Variants in EML1 observed in about 807,000 individuals in gnomAD.
EML1 encodes EMAP like 1.
A neutral mutation model predicts 110.4 loss-of-function variants in EML1; 27 were observed. The ratio of observed to expected loss-of-function variants is 0.24; its 90% CI spans 0.18 to 0.34. EML1 has a LOEUF of 0.34. Among genes scored for constraint, EML1 ranks in the 10% least tolerant of loss-of-function variants. EML1 has a pLI of 1.00. For synonymous variants in EML1, 344 were observed against 385.8 expected, an observed-to-expected ratio of 0.89 and a Z score of 1.27; for missense variants, 741 against 1,030.9, an observed-to-expected ratio of 0.72 and a Z score of 3.85.
At chr14:99,752,580 C>T (rs1249130454) in intron 1 of EML1, among the ~76,000 whole-genome samples, 1 of 152,212 alleles carries the variant, frequency 6.6e-6, no homozygotes, top group African/African-American at 2.4e-5. Flanking sequence ...CAGCTGCCTG[C>T]TGAGGTGCCC....
upstream of EML1, among the ~76,000 whole-genome samples, chr14:99,790,043 CTTTT>C (rs945448761): frequency 4.6e-5 from 7 of 151,890 alleles, no homozygotes; most frequent in East Asian, 1.4e-3. Context: ...CTAAATTTAG[CTTTT>C]TTTTAGAGTA....
intron 9 of EML1, among the ~76,000 whole-genome samples, chr14:99,903,801 T>C (rs1297810365): frequency 2.0e-5 from 3 of 147,768 alleles, no homozygotes; most frequent in Admixed American, 6.8e-5. Flanking sequence ...TTTTTTTTTT[T>C]GAGACAGAGT....
intron 3 of EML1, among the ~76,000 whole-genome samples, chr14:99,876,236 A>G (rs1237384570): frequency 1.3e-5 from 2 of 152,078 alleles, no homozygotes; most frequent in South Asian, 2.1e-4. Context: ...GAGGCTTGTC[A>G]TTTACTTATG....
At chr14:99,792,754 CAG>C (rs1200135947), upstream of EML1, 1 of 152,310 alleles carries the variant, frequency 6.6e-6, no homozygotes, top group East Asian at 1.9e-4. Context: ...CTCTCTGGCC[CAG>C]TGTGAGCGAA....
At chr14:99,819,004 A>T (rs116562774) in intron 1 of EML1, among the ~76,000 whole-genome samples, 457 of 152,178 alleles carry the variant, frequency 3.0e-3, no homozygotes, top group African/African-American at 0.011. Context: ...CCCACGCTTC[A>T]GTATAGTGGT....
At chr14:99,911,687 C>A in intron 13 of EML1, 111 bp downstream of exon 13, 1 of 1,198,996 alleles carries the variant, frequency 8.3e-7, no homozygotes, top group Non-Finnish European at 1.2e-6. Flanking sequence ...TAGGTGAAAT[C>A]ACATTATATG....
At chr14:99,916,565 C>A (rs902870401) in intron 15 of EML1, among the ~76,000 whole-genome samples, 2 of 152,188 alleles carry the variant, frequency 1.3e-5, no homozygotes, top group African/African-American at 2.4e-5. Context: ...CATGTTCAAT[C>A]ATGTCACTCT....
chr14:99,755,649 G>A (rs1235858243), intron 1 of EML1, among the ~76,000 whole-genome samples: 1 of 152,166 alleles, frequency 6.6e-6, no homozygotes, highest in African/African-American at 2.4e-5. Flanking sequence ...CCATTCCGTG[G>A]TCACTTGCCC....
At position 99,762,769 on chromosome 14, in the gene EML1, C is replaced by T. The variant is rs762136436; in HGVS notation, c.28+24909C>T. On this transcript the variant is annotated intron_variant, in intron 1 of 10. Transcript: ENST00000554479. The stretch of plus-strand genomic sequence containing the variant: ...AGCCATATTTCCAGTCACTGCACTT[C>T]GCCCTAGGTGACAGAGTGAAACACT... Among the ~76,000 whole-genome samples the T allele has an allele frequency of 2.7e-4, 41 of 152,112 alleles. 1 individual carries two copies. Among genetic ancestry groups the T allele is most frequent in the South Asian group, 2.1e-4 (1 of 4,822 alleles).
chr14:99,744,324 T>C (rs905960134), intron 1 of EML1, among the ~76,000 whole-genome samples: 4 of 152,066 alleles, frequency 2.6e-5, no homozygotes, highest in African/African-American at 9.7e-5. Flanking sequence ...TAAAGACCAA[T>C]GTTTTCCCAG....
chr14:99,867,704 C>T (rs2059126122), intron 3 of EML1, among the ~76,000 whole-genome samples: 1 of 152,000 alleles, frequency 6.6e-6, no homozygotes, highest in Admixed American at 6.6e-5. Flanking sequence ...ATGTATTAGT[C>T]CTCACAGTTT....
chr14:99,841,874 T>C (rs2058639905), intron 1 of EML1, among the ~76,000 whole-genome samples: 1 of 152,194 alleles, frequency 6.6e-6, no homozygotes, highest in Admixed American at 6.5e-5. Context: ...CACACTGCCA[T>C]GTGTAAACAG....
chr14:99,830,383 A>C (rs2058429083), intron 1 of EML1, among the ~76,000 whole-genome samples: 1 of 144,294 alleles, frequency 6.9e-6, no homozygotes, highest in Admixed American at 6.8e-5. Flanking sequence ...AATTTAAAAG[A>C]AAAAAGGGTG....
chr14:99,900,147 AATTG>A (rs1474425880), intron 8 of EML1, among the ~76,000 whole-genome samples: 1 of 151,392 alleles, frequency 6.6e-6, no homozygotes, highest in Non-Finnish European at 1.5e-5. Context: ...ATTTGTACAT[AATTG>A]ATGCCTGTTT....
At chr14:99,937,090 C>T (rs1383842814) in intron 19 of EML1, among the ~76,000 whole-genome samples, 1 of 152,192 alleles carries the variant, frequency 6.6e-6, no homozygotes, top group Non-Finnish European at 1.5e-5. Context: ...AACACAGGCC[C>T]CAAGAGCCCA....
At chr14:99,899,899 A>G (rs899739094) in intron 8 of EML1, among the ~76,000 whole-genome samples, 3 of 152,140 alleles carry the variant, frequency 2.0e-5, no homozygotes, top group East Asian at 1.9e-4. Flanking sequence ...AAATCCAGAG[A>G]GGCCTAGTGA....
At chr14:99,819,244 T>A (rs76153875) in intron 1 of EML1, among the ~76,000 whole-genome samples, 1 of 152,180 alleles carries the variant, frequency 6.6e-6, no homozygotes, top group Non-Finnish European at 1.5e-5. Flanking sequence ...CATGAGCCAC[T>A]GCGCCTGGCC....
intron 9 of EML1, among the ~76,000 whole-genome samples, chr14:99,903,784 C>CTTTTTTTTTTTTTTTTTTTTTT: frequency 7.1e-6 from 1 of 141,612 alleles, no homozygotes; most frequent in Non-Finnish European, 1.5e-5. Context: ...TAAATCTATT[C>CTTTTTTTTTTTTTTTTTTTTTT]ATTTTTTTTT....
chr14:99,790,899 C>A (rs1391210899), upstream of EML1, among the ~76,000 whole-genome samples: 1 of 132,210 alleles, frequency 7.6e-6, no homozygotes, highest in Non-Finnish European at 1.6e-5. Context: ...ACTCTGTCAT[C>A]TAGGCTGGAG....
Sources: allele counts gnomAD v4.1 joint callset (sites outside exome capture counted in the v4.1 genomes callset), GRCh38; gene constraint gnomAD v4.1.1; transcripts MANE v1.5; gene names NCBI Gene and HGNC (gene_info 2026-07-23, HGNC 2026-07-21).